The following PTPRN2 variants were observed in gnomAD, a reference collection of about 807,000 sequenced individuals.
PTPRN2 encodes protein tyrosine phosphatase receptor type N2.
In PTPRN2, 74 loss-of-function variants were observed where a neutral mutation model predicts 118.8. The ratio of observed to expected loss-of-function variants is 0.62; its 90% CI spans 0.52 to 0.76. The LOEUF (loss-of-function observed/expected upper bound fraction) is 0.76, where lower values mean the gene tolerates loss of function less well. Among genes scored for constraint, PTPRN2 ranks in the 30% least tolerant of loss-of-function variants. The probability of loss-of-function intolerance (pLI) is 0.00; values close to 1 mark genes in which losing one functional copy is unlikely to be tolerated. For synonymous variants in PTPRN2, 641 were observed against 608.0 expected (o/e 1.05, Z -0.80); for missense variants, 1,481 against 1,394.4 (o/e 1.06, Z -0.99).
At chr7:158,142,532 G>A (rs915152071) in intron 6 of PTPRN2, among the ~76,000 whole-genome samples, 1 of 152,196 alleles carries the variant, frequency 6.6e-6, no homozygotes, top group Non-Finnish European at 1.5e-5. Context: ...CAGAAGAAGG[G>A]AAACGCAGGG....
intron 3 of PTPRN2, among the ~76,000 whole-genome samples, chr7:158,209,221 C>G (rs78480231): frequency 3.1e-4 from 47 of 151,304 alleles, no homozygotes; most frequent in Admixed American, 7.2e-4. Context: ...ATAACAAATA[C>G]ACATGGACTA....
intron 3 of PTPRN2, among the ~76,000 whole-genome samples, chr7:158,315,691 G>C (rs566020969): frequency 2.0e-5 from 3 of 152,374 alleles, no homozygotes; most frequent in African/African-American, 7.2e-5. Context: ...CCAGTGGTTT[G>C]GCTGGAGGGC....
intron 15 of PTPRN2, among the ~76,000 whole-genome samples, chr7:157,604,686 T>C (rs1161249741): frequency 6.6e-6 from 1 of 152,080 alleles, no homozygotes; most frequent in East Asian, 1.9e-4. Context: ...AAAATGCAGA[T>C]AAAGAGGAAA....
intron 12 of PTPRN2, among the ~76,000 whole-genome samples, chr7:157,859,870 G>A (rs1263483919): frequency 7.5e-6 from 1 of 133,580 alleles, no homozygotes; most frequent in Non-Finnish European, 1.6e-5. Flanking sequence ...CACTCCTGCA[G>A]GGAGAGCCCC....
intron 11 of PTPRN2, among the ~76,000 whole-genome samples, chr7:158,035,482 G>A (rs1222460047): frequency 1.3e-5 from 2 of 152,180 alleles, no homozygotes; most frequent in African/African-American, 4.8e-5. Flanking sequence ...CAGGCAGGGG[G>A]GTCTGTTAGG....
chr7:157,618,585 G>T lies in PTPRN2; in HGVS notation c.2344+2777C>A, dbSNP rs1167896689. On this transcript the variant is annotated intron_variant, in intron 15 of 22. Transcript: ENST00000389418. This position sits in a 1 kb window ranked among gnomAD's most constrained non-coding sequence, Gnocchi z 4.2. ...CCTGTGAAGAGCGCAGCGGCCGCAG[G>T]TGAGGCAGGAGTGAAGATGGAGGAG... 2 of 152,290 alleles carry T rather than the reference G, an allele frequency of 1.3e-5. No individual in the cohort carries two copies. Among genetic ancestry groups the T allele is most frequent in the Non-Finnish European group, 2.9e-5 (2 of 68,116 alleles). The allele number at this position is 152,290 out of a possible 1,614,324, so 9.4% of individuals were successfully genotyped here. A position where few individuals can be genotyped will look rare whatever the true frequency, so the allele number is the denominator to read the frequency against.
chr7:157,667,371 G>A (rs1473524892), intron 13 of PTPRN2, among the ~76,000 whole-genome samples: 1 of 150,312 alleles, frequency 6.7e-6, no homozygotes, highest in Non-Finnish European at 1.5e-5. Flanking sequence ...GGTGCAACGA[G>A]TACACAGCCT....
intron 2 of PTPRN2, among the ~76,000 whole-genome samples, chr7:158,318,851 T>C (rs987049312): frequency 6.6e-6 from 1 of 152,218 alleles, no homozygotes; most frequent in African/African-American, 2.4e-5. Context: ...GCTTGGTGAT[T>C]TGGTGCCAAA....
At chr7:157,649,041 T>G (rs529158315) in intron 14 of PTPRN2, among the ~76,000 whole-genome samples, 1 of 89,010 alleles carries the variant, frequency 1.1e-5, no homozygotes, top group African/African-American at 4.4e-5. Context: ...CTCGGTGGGT[T>G]GGACCCATCC....
At chr7:157,731,474 GCA>G (rs1799900816) in intron 12 of PTPRN2, among the ~76,000 whole-genome samples, 1 of 151,554 alleles carries the variant, frequency 6.6e-6, no homozygotes, top group Non-Finnish European at 1.5e-5. Flanking sequence ...CACGCGCCCA[GCA>G]CAGTTACCCT....
At chr7:157,904,238 A>G (rs1358137909) in intron 11 of PTPRN2, among the ~76,000 whole-genome samples, 1 of 152,216 alleles carries the variant, frequency 6.6e-6, no homozygotes, top group Non-Finnish European at 1.5e-5. Context: ...GCAATAGGAT[A>G]AAGGTCACCA....
At chr7:158,361,845 G>A (rs765280205) in intron 2 of PTPRN2, among the ~76,000 whole-genome samples, 115 of 152,140 alleles carry the variant, frequency 7.6e-4, no homozygotes, top group Middle Eastern at 6.8e-3. Context: ...AACCTGAGCT[G>A]GCACTGCCCA....
intron 12 of PTPRN2, among the ~76,000 whole-genome samples, chr7:157,776,315 C>T (rs371893403): frequency 5.9e-4 from 81 of 136,964 alleles, no homozygotes; most frequent in African/African-American, 2.1e-3. Context: ...TCCTCTTCCT[C>T]CCTCTCCTCC....
chr7:158,000,566 T>C (rs1052220851), intron 11 of PTPRN2, among the ~76,000 whole-genome samples: 6 of 76,920 alleles, frequency 7.8e-5, no homozygotes, highest in Non-Finnish European at 1.6e-4. Flanking sequence ...TGACTGAAGT[T>C]GGGGTGCAGG....
At chr7:157,613,614 G>T (rs1004199877) in intron 15 of PTPRN2, among the ~76,000 whole-genome samples, 1 of 152,200 alleles carries the variant, frequency 6.6e-6, no homozygotes, top group African/African-American at 2.4e-5. Context: ...GGAGGAGGCC[G>T]CCGCGTTCCT....
At chr7:157,792,837 G>A (rs767306761) in intron 12 of PTPRN2, among the ~76,000 whole-genome samples, 1 of 152,166 alleles carries the variant, frequency 6.6e-6, no homozygotes, top group Non-Finnish European at 1.5e-5. Context: ...GTTCTACAGC[G>A]TGGCTGGTCA....
At chr7:158,214,128 A>G (rs1312801275) in intron 3 of PTPRN2, among the ~76,000 whole-genome samples, 2 of 152,158 alleles carry the variant, frequency 1.3e-5, no homozygotes, top group East Asian at 1.9e-4. Flanking sequence ...TGGGAGTTTA[A>G]GCATCTCCTA....
At chr7:158,317,219 T>C (rs895663294) in intron 2 of PTPRN2, among the ~76,000 whole-genome samples, 2 of 152,262 alleles carry the variant, frequency 1.3e-5, no homozygotes. Context: ...CCTCCTTTTA[T>C]GTAATTTCAC....
intron 12 of PTPRN2, among the ~76,000 whole-genome samples, chr7:157,810,602 C>T (rs1392542159): frequency 4.7e-5 from 4 of 85,946 alleles, no homozygotes; most frequent in Middle Eastern, 7.4e-3. Flanking sequence ...ACGGGGACGG[C>T]GGGACTGCTG....
Sources: allele counts gnomAD v4.1 joint callset (sites outside exome capture counted in the v4.1 genomes callset), GRCh38; gene constraint gnomAD v4.1.1; non-coding constraint Gnocchi (gnomAD v3.1); transcripts MANE v1.5; gene names NCBI Gene and HGNC (gene_info 2026-07-23, HGNC 2026-07-21).